The following PLCD3 variants were observed in gnomAD, a reference collection of about 807,000 sequenced individuals.
PLCD3 encodes phospholipase C delta 3.
PLCD3 carries 62 observed loss-of-function variants against 82.8 expected under a neutral mutation model. That is an observed-to-expected ratio of 0.75 (90% CI 0.61 to 0.93). The LOEUF is 0.93. Among genes scored for constraint, PLCD3 ranks in the 40% least tolerant of loss-of-function variants. PLCD3 has a pLI of 0.00. For missense variants in PLCD3, 1,023 were observed against 1,103.4 expected, an observed-to-expected ratio of 0.93 and a Z score of 1.03; for synonymous variants, 478 against 471.8, an observed-to-expected ratio of 1.01 and a Z score of -0.17.
chr17:45,120,892 G>T lies in PLCD3; in HGVS notation c.554+10C>A. On this transcript the variant is annotated intron_variant, in intron 3 of 14. Transcript: ENST00000619929. ...GGATGGGGCCCTCCCTCCCAGCCCC[G>T]GCAGGATATTGGTCTAGCCGCTCGC... is the stretch of plus-strand genomic sequence containing the variant. 1 of 1,417,262 alleles carries T rather than the reference G, an allele frequency of 7.1e-7. No individual in the cohort carries two copies. The highest frequency in any genetic ancestry group is 1.5e-5 in the South Asian group (1 of 66,450). 87.8% of individuals were successfully genotyped at this position (1,417,262 alleles called of 1,614,324 possible). A position where few individuals can be genotyped will look rare whatever the true frequency, so the allele number is the denominator to read the frequency against.
rs1004542210 is a variant in PLCD3, at chr17:45,121,214, T to C, written c.322A>G (p.Ile108Val). The change falls in exon 2 of 15, where the codon ATC (isoleucine) becomes GTC (valine). Residue 108 changes from isoleucine (I) to valine (V), a missense_variant. Ile to Val is a conservative substitution (Grantham distance 29). Transcript: ENST00000619929. ...RRIPRAPSQHIFFVQHIEAVR... is the reference protein window; with the variant it reads ...RRIPRAPSQHVFFVQHIEAVR... ...CCGGCGCTCCCCGGCCTCTCACAGATGTGCTGCGATGGCGCACGCGGGATG... is the reference window on the plus strand; with the variant it reads ...CCGGCGCTCCCCGGCCTCTCACAGACGTGCTGCGATGGCGCACGCGGGATG... 6.3e-7 allele frequency: 1 copy of C among 1,584,604 alleles called. No homozygotes were observed. The highest frequency in any genetic ancestry group is 8.5e-7 in the Non-Finnish European group (1 of 1,173,786).
In PLCD3 at chr17:45,132,505, G is replaced by A. The variant is rs2054479161; in HGVS notation, c.-95C>T. 3.9e-6 allele frequency: 3 copies of A among 771,626 alleles called. No homozygotes were observed. The highest frequency in any genetic ancestry group is 1.7e-6 in the Non-Finnish European group (1 of 599,632). 47.8% of individuals were successfully genotyped at this position (771,626 alleles called of 1,614,324 possible). A position where few individuals can be genotyped will look rare whatever the true frequency, so the allele number is the denominator to read the frequency against. On this transcript the variant is annotated 5_prime_UTR_variant, in exon 1 of 15. Coordinates refer to ENST00000619929, the MANE Select transcript of PLCD3 (RefSeq NM_133373.5). The surrounding 1 kb of genome is among the most constrained non-coding windows in gnomAD (Gnocchi z 4.6). ...GCCCGGCCCCGGCTCTGAGCGAGGCGGCGAGCGAAGAAACTTAGCGGCGCG... is the reference window on the plus strand; with the variant it reads ...GCCCGGCCCCGGCTCTGAGCGAGGCAGCGAGCGAAGAAACTTAGCGGCGCG...
chr17:45,120,202 C>T (rs2054324823), intron 4 of PLCD3, 123 bp downstream of exon 4: 2 of 1,343,584 alleles, frequency 1.5e-6, no homozygotes, highest in Admixed American at 4.2e-5. Context: ...CAGGGAAAGG[C>T]TGCTCGCTCC....
At chr17:45,116,908 C>A in intron 7 of PLCD3, 124 bp from the exon 8 acceptor site, 8 of 1,250,510 alleles carry the variant, frequency 6.4e-6, no homozygotes, top group Non-Finnish European at 8.4e-6. Context: ...CCCAGGGAAG[C>A]AGCAGACTGT....
chr17:45,127,259 G>T (rs1469915927), intron 1 of PLCD3, among the ~76,000 whole-genome samples: 2 of 152,320 alleles, frequency 1.3e-5, no homozygotes, highest in East Asian at 3.9e-4. Context: ...GCCTCCAGGG[G>T]GTACCTTCCC....
chr17:45,120,112 C>T (rs28391869), intron 4 of PLCD3, among the ~76,000 whole-genome samples: 6 of 152,270 alleles, frequency 3.9e-5, no homozygotes, highest in Admixed American at 1.3e-4. Flanking sequence ...AAGTTCTGGG[C>T]CCCGGCTCCC....
rs1330807488 is a variant in PLCD3 at position 45,114,323 on chromosome 17, C to A, written c.1755G>T (p.Val585=). ...AGTTCATCCGCAGCCCCAGCGGGTA[C>A]ACGCGGGTCAGCTGGCGGGCATTGT... ...VRHNARQLTR[V]YPLGLRMNSA... The change falls in exon 11 of 15, where the codon GTG becomes GTT. Residue 585 remains valine, a synonymous_variant. Transcript: ENST00000619929. The A allele has an allele frequency of 6.5e-7, 1 of 1,549,752 alleles. No individual in the cohort carries two copies. The highest frequency in any genetic ancestry group is 1.2e-5 in the South Asian group (1 of 83,858).
intron 9 of PLCD3, 28 bp downstream of exon 9, chr17:45,115,316 T>TTCCCCC: frequency 2.0e-6 from 3 of 1,474,940 alleles, no homozygotes; most frequent in Non-Finnish European, 9.1e-7. Flanking sequence ...TTCCCCCCCT[T>TTCCCCC]CCCCACCCCA....
rs750781415 is a variant in PLCD3 at position 45,112,978 on chromosome 17, G to T, written c.2166C>A (p.Phe722Leu). Residue 722 changes from phenylalanine (F) to leucine (L), a missense_variant, in exon 14 of 15, where the codon TTC (phenylalanine) becomes TTA (leucine). Coordinates refer to ENST00000619929, the MANE Select transcript of PLCD3 (RefSeq NM_133373.5). ...FNPRWGQTLQ[F>L]QLRAPELALV... ...GTGCCAGCTCCGGAGCCCGCAGCTG[G>T]AACTGCAGGGTCTGCCCCCAGCGGG... 1 of 1,611,056 alleles carries T rather than the reference G, an allele frequency of 6.2e-7. No homozygotes were observed.
At position 45,118,347 on chromosome 17, in the gene PLCD3, G is replaced by A. The variant is rs772873641; in HGVS notation, c.1059C>T (p.Asn353=). ...LAHYFISSSH[N]TYLTDSQIGG... ...CGATCTGGGAGTCAGTCAGATAGGT[G>A]TTGTGGGAGGAAGAGATGAAGTAGT... The change falls in exon 6 of 15, where the codon AAC becomes AAT. Residue 353 remains asparagine (N), a synonymous_variant. Coordinates refer to ENST00000619929, the MANE Select transcript of PLCD3 (RefSeq NM_133373.5). This position sits in a 1 kb window ranked among gnomAD's most constrained non-coding sequence, Gnocchi z 4.1. 2 of 1,614,068 alleles carry A rather than the reference G, an allele frequency of 1.2e-6. No homozygotes were observed. Among genetic ancestry groups the A allele is most frequent in the Non-Finnish European group, 1.7e-6 (2 of 1,179,906 alleles).
In PLCD3 at chr17:45,111,731, C is replaced by G. The variant is rs550202203; in HGVS notation, c.*885G>C. Reference sequence around the variant, plus strand: ...CCAGGGCTCTTCTATGAAACAGTTACAAACCTACGGCCAGGCCAGGCAGTG... The same window carrying G: ...CCAGGGCTCTTCTATGAAACAGTTAGAAACCTACGGCCAGGCCAGGCAGTG... On this transcript the variant is annotated 3_prime_UTR_variant, in exon 15 of 15. Transcript: ENST00000619929. 1.3e-5 allele frequency: 2 copies of G among 152,246 alleles called. No individual in the cohort carries two copies. Among genetic ancestry groups the G allele is most frequent in the African/African-American group, 4.8e-5 (2 of 41,438 alleles). The allele number at this position is 152,246 out of a possible 1,614,324, so 9.4% of individuals were successfully genotyped here. A position where few individuals can be genotyped will look rare whatever the true frequency, so the allele number is the denominator to read the frequency against.
chr17:45,127,253 C>T (rs1289025047), intron 1 of PLCD3, among the ~76,000 whole-genome samples: 1 of 152,196 alleles, frequency 6.6e-6, no homozygotes, highest in African/African-American at 2.4e-5. Context: ...CCCATGGCCT[C>T]CAGGGGGTAC....
At chr17:45,117,569 T>C (rs1245597642) in intron 7 of PLCD3, among the ~76,000 whole-genome samples, 3 of 152,214 alleles carry the variant, frequency 2.0e-5, no homozygotes, top group Admixed American at 6.5e-5. Flanking sequence ...GTGAATGACA[T>C]TGACTATGTC....
rs1430927637 is a variant in PLCD3, at chr17:45,118,300, G to T, written c.1106C>A (p.Ala369Asp). The T allele has an allele frequency of 6.2e-7, 1 of 1,614,028 alleles. No homozygotes were observed. Among genetic ancestry groups the T allele is most frequent in the Non-Finnish European group, 8.5e-7 (1 of 1,179,892 alleles). Residue 369 changes from alanine (A) to aspartate (D), a missense_variant, in exon 6 of 15, where the codon GCC (alanine) becomes GAC (aspartate). Ala to Asp is a moderately radical substitution (Grantham distance 126, BLOSUM62 -2). This residue lies in a region of PLCD3 where 553 missense variants were observed against 655.7 expected (regional missense o/e 0.84). Transcript: ENST00000619929. The surrounding 1 kb of genome is among the most constrained non-coding windows in gnomAD (Gnocchi z 4.1). ...SQIGGPSSTE[A>D]YVRAFAQGCR... ...CCCCCTGCTACAGTACCTAACATAG[G>T]CCTCGGTGCTGCTGGGCCCCCCGAT...
intron 1 of PLCD3, among the ~76,000 whole-genome samples, chr17:45,123,969 C>A (rs2054362408): frequency 7.0e-6 from 1 of 143,278 alleles, no homozygotes; most frequent in Admixed American, 7.0e-5. Context: ...CCCCCCCCAA[C>A]CAGGTCCAGG....
At chr17:45,112,736 C>G in intron 14 of PLCD3, 32 bp from the exon 15 acceptor site, 5 of 1,593,840 alleles carry the variant, frequency 3.1e-6, no homozygotes, top group Non-Finnish European at 4.3e-6. Context: ...CTCAGGTCCT[C>G]TGTGCACCCT....
intron 8 of PLCD3, chr17:45,115,717 C>T (rs957670322): frequency 3.7e-6 from 2 of 539,838 alleles, no homozygotes; most frequent in Non-Finnish European, 3.3e-6. Context: ...ATATACACAG[C>T]AGCCACTACA....
chr17:45,115,816 CAT>C (rs561563458), intron 8 of PLCD3, among the ~76,000 whole-genome samples: 549 of 152,358 alleles, frequency 3.6e-3, no homozygotes, highest in Non-Finnish European at 6.0e-3. Flanking sequence ...CCTGGAATCA[CAT>C]GTCCTTTTTT....
intron 12 of PLCD3, 26 bp downstream of exon 12, chr17:45,113,413 A>G: frequency 6.3e-7 from 1 of 1,577,218 alleles, no homozygotes; most frequent in Non-Finnish European, 8.6e-7. Flanking sequence ...CTGACCCCAC[A>G]CTGGGGCCCG....
Sources: gnomAD v4.1 joint callset for allele counts (sites outside exome capture counted in the v4.1 genomes callset) on GRCh38, gnomAD v4.1.1 for gene constraint, gnomAD v4.1.1 regional missense constraint, Gnocchi (gnomAD v3.1) non-coding constraint, MANE v1.5 for transcripts, NCBI Gene and HGNC (gene_info 2026-07-23, HGNC 2026-07-21) for gene names.